Variants in CDC20 observed in about 807,000 individuals in gnomAD.
The protein encoded by CDC20 is cell division cycle protein 20 homolog.
Under a neutral mutation model 60.0 loss-of-function variants are expected in CDC20, and 34 were observed. That is an observed-to-expected ratio of 0.57 (90% confidence interval 0.43 to 0.75). CDC20 has a LOEUF of 0.75. Among genes scored for constraint, CDC20 ranks in the 30% least tolerant of loss-of-function variants. CDC20 has a pLI of 0.00. For missense variants in CDC20, 469 were observed against 647.3 expected (o/e 0.72, Z 2.99); for synonymous variants, 198 against 243.5 (o/e 0.81, Z 1.74).
Position 43,359,414 on chromosome 1 carries a change from G to A in CDC20, c.181+18G>A. The A allele has an allele frequency of 2.5e-6, 4 of 1,612,564 alleles. No homozygotes were observed. Among genetic ancestry groups the A allele is most frequent in the South Asian group, 1.1e-5 (1 of 91,008 alleles). On this transcript the variant is annotated intron_variant, in intron 2 of 10. Transcript: ENST00000310955. Reference sequence around the variant, plus strand: ...AACTCCTGGTCAGTGAGGTGCCAAAGGAACTGAGTGAGAGCAGCCTTCATA... The same window carrying A: ...AACTCCTGGTCAGTGAGGTGCCAAAAGAACTGAGTGAGAGCAGCCTTCATA...
rs200414342 is a variant in CDC20, at chr1:43,359,212, T to G, written c.-4T>G. 132 of 1,611,442 alleles carry G rather than the reference T, an allele frequency of 8.2e-5. 1 individual carries two copies. In the Admixed American group the frequency reaches 2.2e-3, roughly 26 times the overall value. ...CAAGGACCCCTCCCCCTGCGGGCGCTCCCATGGCACAGTTCGCGTTCGAGA... is the reference window on the plus strand; with the variant it reads ...CAAGGACCCCTCCCCCTGCGGGCGCGCCCATGGCACAGTTCGCGTTCGAGA... On this transcript the variant is annotated 5_prime_UTR_variant, in exon 2 of 11. Coordinates refer to ENST00000310955, the MANE Select transcript of CDC20 (RefSeq NM_001255.3).
chr1:43,360,627 T>C (rs1647168641), intron 7 of CDC20, 34 bp downstream of exon 7: 5 of 1,591,508 alleles, frequency 3.1e-6, no homozygotes, highest in Non-Finnish European at 3.5e-6. Context: ...GGTAGTCTGA[T>C]ATTTGCCCAC....
In CDC20 at chr1:43,360,608, T is replaced by C. The variant is rs1647168503; in HGVS notation, c.848+15T>C. 1 of 1,608,762 alleles carries C rather than the reference T, an allele frequency of 6.2e-7. No individual in the cohort carries two copies. On this transcript the variant is annotated intron_variant, in intron 7 of 10. Transcript: ENST00000310955. ...ATCCTGTCCAGGTCAGTGGTTTTTG[T>C]TGGTCTATGGTAGTCTGATATTTGC...
rs368911711 is a variant in CDC20 at position 43,359,712 on chromosome 1, C to T, written c.331-13C>T. The T allele has an allele frequency of 1.9e-6, 3 of 1,613,634 alleles. No individual in the cohort carries two copies. The highest frequency in any genetic ancestry group is 2.5e-6 in the Non-Finnish European group (3 of 1,179,938). Reference sequence around the variant, plus strand: ...ATAATACCATCTTGCTCCTTCACTACCCTTTATGCCAGGAACATCAGAAAG... The same window carrying T: ...ATAATACCATCTTGCTCCTTCACTATCCTTTATGCCAGGAACATCAGAAAG... On this transcript the variant is annotated splice_polypyrimidine_tract_variant and intron_variant, in intron 3 of 10. Transcript: ENST00000310955.
intron 1 of CDC20, 60 bp from the exon 2 acceptor site, chr1:43,359,107 C>T (rs1557472648): frequency 6.8e-6 from 8 of 1,174,918 alleles, no homozygotes; most frequent in East Asian, 2.4e-5. Flanking sequence ...ATTTTGTGGC[C>T]GGCCAGGAGC....
chr1:43,360,025 C>A lies in CDC20; in HGVS notation c.484C>A (p.Arg162=). 1.2e-6 allele frequency: 2 copies of A among 1,614,134 alleles called. No homozygotes were observed. Among genetic ancestry groups the A allele is most frequent in the Non-Finnish European group, 1.7e-6 (2 of 1,179,978 alleles). The change falls in exon 5 of 11, where the codon CGG becomes AGG. Residue 162 remains arginine (R), a synonymous_variant. Transcript: ENST00000310955. ...YSQKATPGSS[R]KTCRYIPSLP... ...CCAAAAGGCCACTCCTGGCTCCAGC[C>A]GGAAGACCTGCCGTTACATTCCTTC...
At position 43,359,528 on chromosome 1, in the gene CDC20, C is replaced by T; in HGVS notation, c.220C>T (p.Pro74Ser). 6.2e-7 allele frequency: 1 copy of T among 1,614,212 alleles called. No homozygotes were observed. Among genetic ancestry groups the T allele is most frequent in the Non-Finnish European group, 8.5e-7 (1 of 1,180,052 alleles). Residue 74 changes from proline to serine, a missense_variant, in exon 3 of 11, where the codon CCT becomes TCT. Transcript: ENST00000310955. ...CAAGGTTCAGACCACTCCTAGCAAACCTGGCGGTGACCGCTATATCCCCCA... is the reference window on the plus strand; with the variant it reads ...CAAGGTTCAGACCACTCCTAGCAAATCTGGCGGTGACCGCTATATCCCCCA... ...SSKVQTTPSK[P>S]GGDRYIPHRS...
chr1:43,361,062 C>T (rs1570482486), intron 8 of CDC20, 58 bp from the exon 9 acceptor site: 12 of 1,609,332 alleles, frequency 7.5e-6, no homozygotes, highest in African/African-American at 1.3e-5. Flanking sequence ...TAATCTGTGA[C>T]CCCTAGAGCT....
rs761850704 is a variant in CDC20, at chr1:43,359,288, C to T, written c.73C>T (p.Pro25Ser). Reference protein sequence around the residue: ...QLDAPIPNAPPARWQRKAKEA... With the variant: ...QLDAPIPNAPSARWQRKAKEA... ...GGATGCACCCATCCCCAATGCACCCCCTGCGCGCTGGCAGCGCAAAGCCAA... is the reference window on the plus strand; with the variant it reads ...GGATGCACCCATCCCCAATGCACCCTCTGCGCGCTGGCAGCGCAAAGCCAA... Residue 25 changes from proline to serine, a missense_variant, in exon 2 of 11, where the codon CCT becomes TCT. Coordinates refer to ENST00000310955, the MANE Select transcript of CDC20 (RefSeq NM_001255.3). 4 of 1,612,418 alleles carry T rather than the reference C, an allele frequency of 2.5e-6. No homozygotes were observed. Among genetic ancestry groups the T allele is most frequent in the African/African-American group, 1.3e-5 (1 of 74,920 alleles).
At chr1:43,360,680 T>C in intron 7 of CDC20, 53 bp from the exon 8 acceptor site, 1 of 1,581,096 alleles carries the variant, frequency 6.3e-7, no homozygotes, top group Middle Eastern at 1.7e-4. Flanking sequence ...CAGCTCTGGC[T>C]TGCTTGCATT....
At position 43,359,287 on chromosome 1, in the gene CDC20, C is replaced by T. The variant is rs556493552; in HGVS notation, c.72C>T (p.Pro24=). 10 of 1,612,524 alleles carry T rather than the reference C, an allele frequency of 6.2e-6. No individual in the cohort carries two copies. Among genetic ancestry groups the T allele is most frequent in the African/African-American group, 1.3e-5 (1 of 75,034 alleles). The change falls in exon 2 of 11, where the codon CCC becomes CCT. Residue 24 remains proline, a synonymous_variant. Coordinates refer to ENST00000310955, the MANE Select transcript of CDC20 (RefSeq NM_001255.3). ...LQLDAPIPNA[P]PARWQRKAKE... ...TGGATGCACCCATCCCCAATGCACC[C>T]CCTGCGCGCTGGCAGCGCAAAGCCA...
chr1:43,360,314 G>A lies in CDC20; in HGVS notation c.678G>A (p.Gly226=), dbSNP rs1647166679. The A allele has an allele frequency of 3.7e-6, 6 of 1,614,208 alleles. No homozygotes were observed. The highest frequency in any genetic ancestry group is 5.1e-6 in the Non-Finnish European group (6 of 1,180,042). The stretch of plus-strand genomic sequence containing the variant: ...AGCTTTTGCAAATGGAGCAGCCTGG[G>A]GAATATATATCCTCTGTGGCCTGGA... ...ILQLLQMEQP[G]EYISSVAWIK... is the part of the protein sequence containing the mutation. The change falls in exon 6 of 11, where the codon GGG becomes GGA. Residue 226 remains glycine, a synonymous_variant. Coordinates refer to ENST00000310955, the MANE Select transcript of CDC20 (RefSeq NM_001255.3).
At chr1:43,362,660 A>G (rs1389043541) in intron 10 of CDC20, among the ~76,000 whole-genome samples, 1 of 152,058 alleles carries the variant, frequency 6.6e-6, no homozygotes, top group African/African-American at 2.4e-5. Context: ...GTCAGGAGAT[A>G]GAGACAATCC....
At chr1:43,360,444 G>A (rs1395853619) in intron 6 of CDC20, 55 bp downstream of exon 6, 1 of 1,608,232 alleles carries the variant, frequency 6.2e-7, no homozygotes, top group East Asian at 2.2e-5. Context: ...TTGCACAGCT[G>A]GAGGATATTA....
At position 43,360,942 on chromosome 1, in the gene CDC20, A is replaced by C. The variant is rs370835580; in HGVS notation, c.1058A>C (p.Gln353Pro). 8.2e-5 allele frequency: 132 copies of C among 1,613,812 alleles called. No individual in the cohort carries two copies. Among genetic ancestry groups the C allele is most frequent in the Non-Finnish European group, 1.1e-4 (131 of 1,179,850 alleles). The change falls in exon 8 of 11, where the codon CAG becomes CCG. Residue 353 changes from glutamine to proline, a missense_variant. Transcript: ENST00000310955. ...TGGGTTCCTCTGCAGACATTCACCC[A>C]GCATCAAGGGGCTGTCAAGGTGAGT... is the stretch of plus-strand genomic sequence containing the variant. ...GGWVPLQTFTQHQGAVKAVAW... is the reference protein window; with the variant it reads ...GGWVPLQTFTPHQGAVKAVAW...
chr1:43,362,965 G>A lies in CDC20; in HGVS notation c.1336G>A (p.Val446Ile). Residue 446 changes from valine (V) to isoleucine (I), a missense_variant, in exon 11 of 11, where the codon GTC becomes ATC. By Grantham distance (29) the Val-to-Ile change is conservative (BLOSUM62 3). Transcript: ENST00000310955. ...VAELKGHTSR[V>I]LSLTMSPDGA... ...ATTTGCTCCAGGTCACACATCCCGG[G>A]TCCTGAGTCTGACCATGAGCCCAGA... 2 of 1,597,934 alleles carry A rather than the reference G, an allele frequency of 1.3e-6. No homozygotes were observed. Among genetic ancestry groups the A allele is most frequent in the Non-Finnish European group, 8.5e-7 (1 of 1,175,196 alleles).
chr1:43,359,066 C>T, intron 1 of CDC20, 60 bp downstream of exon 1: 1 of 762,572 alleles, frequency 1.3e-6, no homozygotes, highest in Non-Finnish European at 2.2e-6. Context: ...GGGTGCTAGG[C>T]CGGAAGGGGC....
chr1:43,360,496 T>G lies in CDC20; in HGVS notation c.754-3T>G. 6.2e-7 allele frequency: 1 copy of G among 1,613,546 alleles called. No individual in the cohort carries two copies. The highest frequency in any genetic ancestry group is 2.2e-5 in the East Asian group (1 of 44,888). On this transcript the variant is annotated splice_region_variant and splice_polypyrimidine_tract_variant and intron_variant, in intron 6 of 10. Transcript: ENST00000310955. ...TCTGATCCTAGTGGGCTTCTCTCTC[T>G]AGCTATGGGATGTGCAGCAGCAGAA...
In CDC20 at chr1:43,360,334, C is replaced by T. The variant is rs1647166811; in HGVS notation, c.698C>T (p.Ala233Val). The change falls in exon 6 of 11, where the codon GCC becomes GTC. Residue 233 changes from alanine to valine, a missense_variant. Ala to Val is a moderately conservative substitution (Grantham distance 64). This residue lies in a region of CDC20 where 255 missense variants were observed against 326.7 expected (regional missense o/e 0.78). Transcript: ENST00000310955. ...CCTGGGGAATATATATCCTCTGTGG[C>T]CTGGATCAAAGAGGGCAACTACTTG... The part of the protein sequence containing the change: ...EQPGEYISSV[A>V]WIKEGNYLAV... 2 of 1,614,086 alleles carry T rather than the reference C, an allele frequency of 1.2e-6. No homozygotes were observed. Among genetic ancestry groups the T allele is most frequent in the African/African-American group, 1.3e-5 (1 of 74,920 alleles).
Sources: gnomAD v4.1 joint callset for allele counts (sites outside exome capture counted in the v4.1 genomes callset) on GRCh38, gnomAD v4.1.1 for gene constraint, gnomAD v4.1.1 regional missense constraint, MANE v1.5 for transcripts, NCBI Gene and HGNC (gene_info 2026-07-23, HGNC 2026-07-21) for gene names.